TAMM41: variants seen among roughly 807,000 people sequenced by gnomAD.
The protein encoded by TAMM41 is TAM41 mitochondrial translocator assembly and maintenance homolog.
A neutral mutation model predicts 44.1 loss-of-function variants in TAMM41; 36 were observed. The observed-to-expected ratio is 0.82, with a 90% CI of 0.63 to 1.08. The LOEUF is 1.08. Among genes scored for constraint, TAMM41 ranks in the 50% least tolerant of loss-of-function variants. The probability of loss-of-function intolerance (pLI) is 0.00; values close to 1 mark genes in which losing one functional copy is unlikely to be tolerated. For synonymous variants in TAMM41, 164 were observed against 153.1 expected (o/e 1.07, Z -0.53); for missense variants, 417 against 404.3 (o/e 1.03, Z -0.27).
chr3:11,750,889 C>T, the TAMM41 span, among the ~76,000 whole-genome samples: 4 of 152,102 alleles, frequency 2.6e-5, no homozygotes, highest in African/African-American at 9.7e-5. Context: ...TCGCTCCTGT[C>T]CCCAGGCCTC....
intron 5 of TAMM41, among the ~76,000 whole-genome samples, chr3:11,816,204 C>G (rs2078269752): frequency 2.0e-5 from 3 of 146,974 alleles, no homozygotes; most frequent in African/African-American, 5.1e-5. Context: ...ATACAGTGTT[C>G]TTTACATTAA....
the TAMM41 span, among the ~76,000 whole-genome samples, chr3:11,742,268 GACGACC>G: frequency 1.3e-5 from 2 of 149,868 alleles, no homozygotes; most frequent in African/African-American, 5.1e-5. Context: ...CCAGACCCCT[GACGACC>G]ACCAATCTGT....
At chr3:11,725,393 T>TTTCTTC in the TAMM41 span, among the ~76,000 whole-genome samples, 2 of 108,986 alleles carry the variant, frequency 1.8e-5, no homozygotes, top group African/African-American at 3.7e-5. Flanking sequence ...CCTCCTTCTT[T>TTTCTTC]TTCTTCTTCC....
chr3:11,814,808 A>C (rs1484731116), intron 5 of TAMM41, among the ~76,000 whole-genome samples: 1 of 152,116 alleles, frequency 6.6e-6, no homozygotes, highest in Non-Finnish European at 1.5e-5. Flanking sequence ...TAAAAACACA[A>C]AAACCAGCCA....
At chr3:11,735,806 T>C in the TAMM41 span, among the ~76,000 whole-genome samples, 2 of 152,096 alleles carry the variant, frequency 1.3e-5, no homozygotes, top group Non-Finnish European at 1.5e-5. Flanking sequence ...AGCACGTGTA[T>C]ATAATGAGGG....
chr3:11,777,396 G>A, the TAMM41 span, among the ~76,000 whole-genome samples: 1 of 152,210 alleles, frequency 6.6e-6, no homozygotes, highest in Non-Finnish European at 1.5e-5. Context: ...ACTAAATGAC[G>A]TCAGGATTAA....
chr3:11,739,478 C>T, the TAMM41 span, among the ~76,000 whole-genome samples: 1 of 151,960 alleles, frequency 6.6e-6, no homozygotes, highest in Non-Finnish European at 1.5e-5. Context: ...CATGCTGTGG[C>T]CATCTTGCAA....
chr3:11,730,507 G>A, the TAMM41 span, among the ~76,000 whole-genome samples: 1 of 151,814 alleles, frequency 6.6e-6, no homozygotes, highest in Admixed American at 6.6e-5. Flanking sequence ...GGCCAAGGCA[G>A]GTGGATCACG....
Position 11,813,940 on chromosome 3 carries a change from GTGTATATATA to G in TAMM41, c.708+3242_708+3251del, listed in dbSNP as rs2078184520. Among the ~76,000 whole-genome samples the G allele has an allele frequency of 2.7e-5, 4 of 145,640 alleles. No individual in the cohort carries two copies. In the South Asian group the frequency reaches 6.6e-4, roughly 24 times the overall value. On this transcript the variant is annotated intron_variant, in intron 5 of 7. Coordinates refer to ENST00000455809, the MANE Select transcript of TAMM41 (RefSeq NM_001284401.2). ...TATATGTATATATGTGTGTATATATGTGTATATATATGTATATATACATATACACACATAC... is the reference window on the plus strand; with the variant it reads ...TATATGTATATATGTGTGTATATATGTGTATATATACATATACACACATAC...
the TAMM41 span, among the ~76,000 whole-genome samples, chr3:11,723,062 G>C: frequency 1.3e-5 from 2 of 152,164 alleles, no homozygotes; most frequent in African/African-American, 4.8e-5. Context: ...GGCAGAGGTT[G>C]CAGTGAGTTG....
the TAMM41 span, among the ~76,000 whole-genome samples, chr3:11,740,493 G>A: frequency 6.6e-6 from 1 of 152,138 alleles, no homozygotes; most frequent in Non-Finnish European, 1.5e-5. Context: ...AGTTTTACTT[G>A]AATTCATGTA....
chr3:11,838,661 C>A (rs896146487), intron 3 of TAMM41, among the ~76,000 whole-genome samples: 1 of 152,186 alleles, frequency 6.6e-6, no homozygotes, highest in African/African-American at 2.4e-5. Context: ...ACCCTCCCAG[C>A]ACCTTGATGT....
chr3:11,725,425 T>TCTTTCCTCC, the TAMM41 span, among the ~76,000 whole-genome samples: 4 of 68,058 alleles, frequency 5.9e-5, no homozygotes, highest in African/African-American at 3.0e-4. Context: ...TTCTTCTTCT[T>TCTTTCCTCC]TCCTCCTCCT....
At chr3:11,810,443 G>A (rs2124961190) in intron 5 of TAMM41, among the ~76,000 whole-genome samples, 1 of 152,324 alleles carries the variant, frequency 6.6e-6, no homozygotes, top group African/African-American at 2.4e-5. Context: ...CAGAGCTGAG[G>A]CCAGACCTAG....
At chr3:11,753,180 C>G in the TAMM41 span, among the ~76,000 whole-genome samples, 8 of 151,714 alleles carry the variant, frequency 5.3e-5, no homozygotes, top group Admixed American at 3.3e-4. Flanking sequence ...AATCCCAGCA[C>G]TTTGGGAGTC....
chr3:11,723,437 G>A, the TAMM41 span, among the ~76,000 whole-genome samples: 3 of 151,932 alleles, frequency 2.0e-5, no homozygotes, highest in Non-Finnish European at 4.4e-5. Context: ...AAAATTAGCT[G>A]GGCGTGGTGG....
chr3:11,844,112 A>G lies in TAMM41; in HGVS notation c.235T>C (p.Leu79=), dbSNP rs761506548. Reference sequence around the variant, plus strand: ...ATGGACGTGATAATCTTGGGCCCTAAAACTTTTAGGAAAGAGTAGTGACTC... The same window carrying G: ...ATGGACGTGATAATCTTGGGCCCTAGAACTTTTAGGAAAGAGTAGTGACTC... ...NWSHYSFLKV[L]GPKIITSIQN... is the part of the protein sequence containing the mutation. Residue 79 remains leucine (L), a synonymous_variant, in exon 2 of 8, where the codon TTA becomes CTA. Transcript: ENST00000455809. 6 of 1,614,104 alleles carry G rather than the reference A, an allele frequency of 3.7e-6. No individual in the cohort carries two copies. In the Admixed American group the frequency reaches 6.7e-5, roughly 18 times the overall value.
Position 11,804,999 on chromosome 3 carries a change from T to C in TAMM41, c.937+2834A>G, listed in dbSNP as rs937349748. 7.5e-4 allele frequency among the ~76,000 whole-genome samples: 84 copies of C among 112,310 alleles called. 1 individual carries two copies. Among genetic ancestry groups the C allele is most frequent in the African/African-American group, 3.8e-3 (81 of 21,256 alleles). The allele number at this position is 112,310 out of a possible 152,430, so 73.7% of individuals were successfully genotyped here. A position where few individuals can be genotyped will look rare whatever the true frequency, so the allele number is the denominator to read the frequency against. Reference sequence around the variant, plus strand: ...GCGCGCACCACCACGCCCAGCCCTTTTTTTTTTTTTTTTTTTTTTTTTTTT... The same window carrying C: ...GCGCGCACCACCACGCCCAGCCCTTCTTTTTTTTTTTTTTTTTTTTTTTTT... On this transcript the variant is annotated intron_variant, in intron 7 of 7. Transcript: ENST00000455809.
chr3:11,757,219 T>C, the TAMM41 span, among the ~76,000 whole-genome samples: 1 of 152,220 alleles, frequency 6.6e-6, no homozygotes. Context: ...GTAAGATCCA[T>C]GTTCACATGA....
Sources: allele counts gnomAD v4.1 joint callset (sites outside exome capture counted in the v4.1 genomes callset), GRCh38; gene constraint gnomAD v4.1.1; transcripts MANE v1.5; gene names NCBI Gene and HGNC (gene_info 2026-07-23, HGNC 2026-07-21).